The following CRY2 variants were observed in gnomAD, a reference collection of about 807,000 sequenced individuals.
CRY2 encodes the protein cryptochrome-2.
Under a neutral mutation model 69.5 loss-of-function variants are expected in CRY2, and 31 were observed. The observed-to-expected ratio is 0.45, with a 90% CI of 0.34 to 0.60. The LOEUF (loss-of-function observed/expected upper bound fraction) is 0.60, where lower values mean the gene tolerates loss of function less well. Among genes scored for constraint, CRY2 ranks in the 20% least tolerant of loss-of-function variants. CRY2 has a pLI of 0.02. For missense variants in CRY2, 606 were observed against 797.8 expected (o/e 0.76, Z 2.90); for synonymous variants, 303 against 312.2 (o/e 0.97, Z 0.31).
In CRY2 at chr11:45,860,971, C is replaced by T. The variant is rs571520744; in HGVS notation, c.591C>T (p.Cys197=). The part of the protein sequence containing the change: ...GLVTSQQMES[C]RAEIQENHDE... The stretch of plus-strand genomic sequence containing the variant: ...TGACCAGCCAGCAGATGGAGAGCTG[C>T]AGGGCCGAGATCCAGGAGAACCACG... Residue 197 remains cysteine, a synonymous_variant, in exon 4 of 12, where the codon TGC becomes TGT. Coordinates refer to ENST00000616080, the MANE Select transcript of CRY2 (RefSeq NM_021117.5). 1.2e-6 allele frequency: 2 copies of T among 1,614,074 alleles called. No individual in the cohort carries two copies. The highest frequency in any genetic ancestry group is 1.7e-6 in the Non-Finnish European group (2 of 1,180,050).
chr11:45,856,191 C>T (rs1399228896), intron 2 of CRY2, 101 bp downstream of exon 2: 2 of 990,008 alleles, frequency 2.0e-6, no homozygotes, highest in Non-Finnish European at 3.1e-6. Flanking sequence ...ATGGAAACAT[C>T]AGGGCTGGTC....
chr11:45,866,377 T>C (rs1249502855), intron 5 of CRY2, among the ~76,000 whole-genome samples: 1 of 152,114 alleles, frequency 6.6e-6, no homozygotes, highest in African/African-American at 2.4e-5. Context: ...TACCCACATT[T>C]AAGGGAGAGG....
intron 1 of CRY2, among the ~76,000 whole-genome samples, chr11:45,855,023 T>C (rs1042638845): frequency 1.3e-5 from 2 of 152,196 alleles, no homozygotes; most frequent in African/African-American, 2.4e-5. Context: ...GCCACATGAA[T>C]AGTTTATCTG....
rs2086476680 is a variant in CRY2, at chr11:45,881,957, T to C, written c.*1046T>C. 2 of 152,258 alleles carry C rather than the reference T, an allele frequency of 1.3e-5. No individual in the cohort carries two copies. Among genetic ancestry groups the C allele is most frequent in the Admixed American group, 6.5e-5 (1 of 15,288 alleles). The allele number at this position is 152,258 out of a possible 1,614,324, so 9.4% of individuals were successfully genotyped here. A position where few individuals can be genotyped will look rare whatever the true frequency, so the allele number is the denominator to read the frequency against. ...GGACTTGTCAGCATCCAGACTGCCA[T>C]GTCAGCTATCCCAGTAGCTGAGCTC... is the stretch of plus-strand genomic sequence containing the variant. On this transcript the variant is annotated 3_prime_UTR_variant, in exon 12 of 12. Transcript: ENST00000616080.
chr11:45,865,821 C>T (rs2086326428), intron 5 of CRY2, among the ~76,000 whole-genome samples: 2 of 152,220 alleles, frequency 1.3e-5, no homozygotes, highest in African/African-American at 4.8e-5. Context: ...AAGATTTGGG[C>T]TCTGTCCTCA....
At chr11:45,847,268 C>T (rs768903565), upstream of CRY2, 42 of 1,551,666 alleles carry the variant, frequency 2.7e-5, no homozygotes, top group Non-Finnish European at 2.6e-5. Context: ...TCCACCCGGG[C>T]GGACCCACAC....
chr11:45,867,113 C>T (rs892224171), intron 5 of CRY2, among the ~76,000 whole-genome samples: 1 of 152,100 alleles, frequency 6.6e-6, no homozygotes, highest in African/African-American at 2.4e-5. Flanking sequence ...CCATTGGTCC[C>T]CAGGAATGGA....
chr11:45,851,649 A>G (rs2086199933), intron 1 of CRY2, among the ~76,000 whole-genome samples: 1 of 152,178 alleles, frequency 6.6e-6, no homozygotes, highest in Non-Finnish European at 1.5e-5. Flanking sequence ...TATATTTTTA[A>G]AATAATAAGA....
chr11:45,856,013 A>T lies in CRY2; in HGVS notation c.247A>T (p.Thr83Ser). The change falls in exon 2 of 12, where the codon ACA (threonine) becomes TCA (serine). Residue 83 changes from threonine to serine, a missense_variant. By Grantham distance (58) the Thr-to-Ser change is moderately conservative (BLOSUM62 1). Transcript: ENST00000616080. ...ACTTCAGTCTCTGGAAGATTTGGACACAAGTTTAAGGAAACTGAACTCCCG... is the reference window on the plus strand; with the variant it reads ...ACTTCAGTCTCTGGAAGATTTGGACTCAAGTTTAAGGAAACTGAACTCCCG... ...FLLQSLEDLDTSLRKLNSRLF... is the reference protein window; with the variant it reads ...FLLQSLEDLDSSLRKLNSRLF... 1 of 1,614,210 alleles carries T rather than the reference A, an allele frequency of 6.2e-7. No homozygotes were observed. Among genetic ancestry groups the T allele is most frequent in the Non-Finnish European group, 8.5e-7 (1 of 1,180,022 alleles).
Position 45,847,521 on chromosome 11 carries a change from G to C in CRY2, c.31G>C (p.Val11Leu). The change falls in exon 1 of 12, where the codon GTG (valine) becomes CTG (leucine). Residue 11 changes from valine (V) to leucine (L), a missense_variant. Coordinates refer to ENST00000616080, the MANE Select transcript of CRY2 (RefSeq NM_021117.5). MAATVATAAA[V>L]APAPAPGTDS... is the part of the protein sequence containing the mutation. ...GGCGACTGTGGCGACGGCGGCAGCT[G>C]TGGCCCCGGCGCCAGCGCCCGGCAC... 1 of 1,589,192 alleles carries C rather than the reference G, an allele frequency of 6.3e-7. No homozygotes were observed. The highest frequency in any genetic ancestry group is 8.5e-7 in the Non-Finnish European group (1 of 1,172,412).
intron 1 of CRY2, among the ~76,000 whole-genome samples, chr11:45,854,247 T>C (rs1246333877): frequency 6.6e-6 from 1 of 152,216 alleles, no homozygotes; most frequent in Non-Finnish European, 1.5e-5. Flanking sequence ...CAGATTGACC[T>C]GTGGGTTCTT....
intron 8 of CRY2, 39 bp downstream of exon 8, chr11:45,870,243 G>C (rs2086366638): frequency 1.2e-6 from 2 of 1,610,432 alleles, no homozygotes; most frequent in African/African-American, 2.7e-5. Flanking sequence ...TCTGACCACT[G>C]TGGCCTCCTA....
Position 45,869,525 on chromosome 11 carries a change from C to T in CRY2, c.902C>T (p.Pro301Leu). The T allele has an allele frequency of 6.2e-7, 1 of 1,612,166 alleles. No individual in the cohort carries two copies. Among genetic ancestry groups the T allele is most frequent in the Non-Finnish European group, 8.5e-7 (1 of 1,178,834 alleles). Reference sequence around the variant, plus strand: ...TCTCAGGTGAAGCGGAACAGCACACCTCCCCTCTCCCTATTTGGGCAACTC... The same window carrying T: ...TCTCAGGTGAAGCGGAACAGCACACTTCCCCTCTCCCTATTTGGGCAACTC... Reference protein sequence around the residue: ...LYKKVKRNSTPPLSLFGQLLW... With the variant: ...LYKKVKRNSTLPLSLFGQLLW... The change falls in exon 7 of 12, where the codon CCT (proline) becomes CTT (leucine). Residue 301 changes from proline to leucine, a missense_variant. This residue lies in a region of CRY2 where 382 missense variants were observed against 508.9 expected (regional missense o/e 0.75). Coordinates refer to ENST00000616080, the MANE Select transcript of CRY2 (RefSeq NM_021117.5).
intron 1 of CRY2, 47 bp downstream of exon 1, chr11:45,847,752 A>C: frequency 6.7e-7 from 1 of 1,499,196 alleles, no homozygotes; most frequent in Non-Finnish European, 8.9e-7. Flanking sequence ...CAGGACCCTG[A>C]CCCTGGGGTG....
chr11:45,866,044 T>C (rs531668004), intron 5 of CRY2, among the ~76,000 whole-genome samples: 3 of 152,270 alleles, frequency 2.0e-5, no homozygotes, highest in East Asian at 3.9e-4. Context: ...TTGGGAAATA[T>C]TTAGGCAGTA....
chr11:45,851,969 C>A (rs1590761016), intron 1 of CRY2, among the ~76,000 whole-genome samples: 1 of 152,172 alleles, frequency 6.6e-6, no homozygotes, highest in East Asian at 1.9e-4. Context: ...ACAGGATCAG[C>A]CATTCCTAGA....
chr11:45,854,711 A>T (rs555548558), intron 1 of CRY2, among the ~76,000 whole-genome samples: 45 of 152,276 alleles, frequency 3.0e-4, no homozygotes, highest in African/African-American at 1.0e-3. Context: ...AATAAATAAA[A>T]AAGGGCACAG....
chr11:45,878,690 A>C (rs1002425854), intron 11 of CRY2, among the ~76,000 whole-genome samples: 1 of 152,114 alleles, frequency 6.6e-6, no homozygotes, highest in Non-Finnish European at 1.5e-5. Flanking sequence ...TGGGAGGCTG[A>C]GGGGGGCGGA....
chr11:45,870,591 G>A, intron 9 of CRY2, 59 bp downstream of exon 9: 3 of 1,578,898 alleles, frequency 1.9e-6, no homozygotes, highest in Admixed American at 3.5e-5. Flanking sequence ...GGCTCAGGGG[G>A]CCAGATGGGG....
Sources: gnomAD v4.1 joint callset for allele counts (sites outside exome capture counted in the v4.1 genomes callset) on GRCh38, gnomAD v4.1.1 for gene constraint, gnomAD v4.1.1 regional missense constraint, MANE v1.5 for transcripts, NCBI Gene and HGNC (gene_info 2026-07-23, HGNC 2026-07-21) for gene names.